The following AK9 variants were observed in gnomAD, a reference collection of about 807,000 sequenced individuals.
AK9 encodes the protein adenylate kinase domain containing 1.
Under a neutral mutation model 239.6 loss-of-function variants are expected in AK9, and 191 were observed. That is an observed-to-expected ratio of 0.80 (90% CI 0.71 to 0.90). AK9 has a LOEUF of 0.90. Among genes scored for constraint, AK9 ranks in the 40% least tolerant of loss-of-function variants. The pLI is 0.00. For synonymous variants in AK9, 689 were observed against 721.0 expected (o/e 0.96, Z 0.71); for missense variants, 1,995 against 2,214.7 (o/e 0.90, Z 1.99).
chr6:109,546,486 C>T (rs757407406), intron 25 of AK9, among the ~76,000 whole-genome samples: 2 of 152,026 alleles, frequency 1.3e-5, no homozygotes, highest in Non-Finnish European at 2.9e-5. Flanking sequence ...AACAGAAAGC[C>T]CACTAATAAT....
At chr6:109,502,367 C>T (rs969472474) in intron 35 of AK9, among the ~76,000 whole-genome samples, 5 of 152,048 alleles carry the variant, frequency 3.3e-5, no homozygotes, top group African/African-American at 4.8e-5. Flanking sequence ...CATGTGAAGA[C>T]ACAAAGACAC....
chr6:109,685,400 T>TA (rs1173177854), intron 1 of AK9, among the ~76,000 whole-genome samples: 2 of 152,140 alleles, frequency 1.3e-5, no homozygotes, highest in Non-Finnish European at 2.9e-5. Flanking sequence ...TATGCAGCCA[T>TA]AAAAAATGAT....
intron 29 of AK9, among the ~76,000 whole-genome samples, chr6:109,521,310 C>G (rs983386368): frequency 1.3e-5 from 2 of 152,050 alleles, no homozygotes; most frequent in African/African-American, 4.8e-5. Context: ...ATTTAGCTAA[C>G]TTACATCACT....
intron 5 of AK9, among the ~76,000 whole-genome samples, chr6:109,671,590 A>G (rs1256186933): frequency 6.6e-6 from 1 of 152,216 alleles, no homozygotes; most frequent in East Asian, 1.9e-4. Flanking sequence ...CATTGTCAGG[A>G]CTTAGCAATA....
chr6:109,650,706 T>G (rs1421280000), intron 8 of AK9, among the ~76,000 whole-genome samples: 2 of 152,198 alleles, frequency 1.3e-5, no homozygotes, highest in Non-Finnish European at 2.9e-5. Flanking sequence ...GGAAATACCA[T>G]TTGACCCAGC....
At chr6:109,652,574 A>G (rs936147404) in intron 8 of AK9, among the ~76,000 whole-genome samples, 1 of 152,252 alleles carries the variant, frequency 6.6e-6, no homozygotes, top group African/African-American at 2.4e-5. Flanking sequence ...TGGATATAGC[A>G]TAATTTATTT....
chr6:109,595,866 C>T lies in AK9; in HGVS notation c.1843-9794G>A, dbSNP rs569827680. Reference sequence around the variant, plus strand: ...GGGCCTGTCATTGGGTAGGGGACTACGGGAAGGATAGCATTAGGAGAAATA... The same window carrying T: ...GGGCCTGTCATTGGGTAGGGGACTATGGGAAGGATAGCATTAGGAGAAATA... On this transcript the variant is annotated intron_variant, in intron 17 of 40. Transcript: ENST00000424296. Among the ~76,000 whole-genome samples the T allele has an allele frequency of 2.6e-4, 39 of 152,088 alleles. 1 individual carries two copies. Among genetic ancestry groups the T allele is most frequent in the Non-Finnish European group, 4.4e-4 (30 of 68,008 alleles).
intron 27 of AK9, among the ~76,000 whole-genome samples, chr6:109,535,693 T>A (rs1338713823): frequency 6.6e-6 from 1 of 152,354 alleles, no homozygotes; most frequent in Middle Eastern, 3.4e-3. Flanking sequence ...GCCTGTGTCC[T>A]GAATGGTATT....
intron 1 of AK9, among the ~76,000 whole-genome samples, chr6:109,679,913 C>T (rs1436568203): frequency 2.0e-5 from 3 of 152,152 alleles, no homozygotes; most frequent in Non-Finnish European, 4.4e-5. Context: ...TCAATATCAA[C>T]AAAAAGGACG....
chr6:109,649,393 G>C (rs970836405), intron 8 of AK9, among the ~76,000 whole-genome samples: 1 of 152,042 alleles, frequency 6.6e-6, no homozygotes, highest in Non-Finnish European at 1.5e-5. Flanking sequence ...CTTCAGCAAA[G>C]TCTCAGGATA....
At chr6:109,620,597 C>T (rs563042743) in intron 12 of AK9, among the ~76,000 whole-genome samples, 106 of 151,954 alleles carry the variant, frequency 7.0e-4, no homozygotes, top group Non-Finnish European at 1.0e-3. Context: ...TTACAGATCC[C>T]TATATTCCCA....
chr6:109,643,484 T>A (rs1262645007), intron 9 of AK9, among the ~76,000 whole-genome samples: 2 of 152,258 alleles, frequency 1.3e-5, no homozygotes, highest in East Asian at 1.9e-4. Context: ...TAGGCCACTA[T>A]CTCATACCTG....
intron 17 of AK9, among the ~76,000 whole-genome samples, chr6:109,595,975 A>G (rs1291308663): frequency 5.3e-5 from 8 of 152,202 alleles, no homozygotes; most frequent in African/African-American, 1.9e-4. Flanking sequence ...CATTCTGCAC[A>G]TATATCCCAG....
chr6:109,550,716 T>C (rs1012730320), intron 24 of AK9, among the ~76,000 whole-genome samples: 5 of 152,200 alleles, frequency 3.3e-5, no homozygotes, highest in Non-Finnish European at 5.9e-5. Context: ...AGGATTTACT[T>C]TGGTATTAAG....
rs891920154 is a variant in AK9, at chr6:109,516,160, G to C, written c.3847-85C>G. On this transcript the variant is annotated intron_variant, in intron 30 of 40. Transcript: ENST00000424296. ...GTCACAGCATGTAGACACTGCTGGTGACTGACTACTTCAGTCCAGAACACA... is the reference window on the plus strand; with the variant it reads ...GTCACAGCATGTAGACACTGCTGGTCACTGACTACTTCAGTCCAGAACACA... 2.6e-6 allele frequency: 3 copies of C among 1,174,768 alleles called. No homozygotes were observed. In the African/African-American group the frequency reaches 4.6e-5, roughly 18 times the overall value. The allele number at this position is 1,174,768 out of a possible 1,614,324, so 72.8% of individuals were successfully genotyped here. A position where few individuals can be genotyped will look rare whatever the true frequency, so the allele number is the denominator to read the frequency against.
chr6:109,624,792 T>C (rs1795314992), intron 12 of AK9, among the ~76,000 whole-genome samples: 1 of 152,202 alleles, frequency 6.6e-6, no homozygotes, highest in Non-Finnish European at 1.5e-5. Context: ...TTTGGTAATA[T>C]TCTTTTCTCT....
chr6:109,528,183 T>C, intron 29 of AK9: 1 of 289,670 alleles, frequency 3.5e-6, no homozygotes, highest in Non-Finnish European at 6.7e-6. Flanking sequence ...TTTGAAGTGA[T>C]TCAGAAGGGG....
rs147820619 is a variant in AK9 at position 109,538,703 on chromosome 6, A to G, written c.3350+3344T>C. 4.8e-3 allele frequency among the ~76,000 whole-genome samples: 730 copies of G among 152,166 alleles called. 7 individuals carry two copies. Among genetic ancestry groups the G allele is most frequent in the African/African-American group, 0.017 (705 of 41,468 alleles). ...TTGATGCAGTTTCTTCCTAGCATCA[A>G]TGATCTTTACAATTTGGCATGTTTT... On this transcript the variant is annotated intron_variant, in intron 27 of 40. Transcript: ENST00000424296.
intron 35 of AK9, among the ~76,000 whole-genome samples, chr6:109,505,742 G>C (rs941954689): frequency 2.0e-5 from 3 of 152,034 alleles, no homozygotes; most frequent in African/African-American, 7.3e-5. Flanking sequence ...ATTCACATAG[G>C]CATTCAATAA....
Sources: gnomAD v4.1 joint callset for allele counts (sites outside exome capture counted in the v4.1 genomes callset) on GRCh38, gnomAD v4.1.1 for gene constraint, MANE v1.5 for transcripts, NCBI Gene and HGNC (gene_info 2026-07-23, HGNC 2026-07-21) for gene names.